The following SPAG16 variants were observed in gnomAD, a reference collection of about 807,000 sequenced individuals.
SPAG16 encodes the protein sperm-associated antigen 16 protein.
In SPAG16, 86 loss-of-function variants were observed where a neutral mutation model predicts 80.4. The observed-to-expected ratio is 1.07, with a 90% CI of 0.90 to 1.28. The LOEUF is 1.28. Ranked by LOEUF, SPAG16 falls within the 50% of genes most tolerant of loss-of-function variation. The pLI, the probability that SPAG16 is intolerant of heterozygous loss-of-function variation, is 0.00. For missense variants in SPAG16, 870 were observed against 765.3 expected, an observed-to-expected ratio of 1.14 and a Z score of -1.61; for synonymous variants, 294 against 265.9, an observed-to-expected ratio of 1.11 and a Z score of -1.03.
intron 9 of SPAG16, among the ~76,000 whole-genome samples, chr2:213,444,964 G>A (rs1575603857): frequency 2.6e-5 from 4 of 152,100 alleles, no homozygotes; most frequent in South Asian, 4.1e-4. Context: ...ACTCCTTTTT[G>A]ATAAAGGCAC....
chr2:213,810,658 G>A (rs2072075858), intron 10 of SPAG16, among the ~76,000 whole-genome samples: 1 of 152,146 alleles, frequency 6.6e-6, no homozygotes, highest in African/African-American at 2.4e-5. Flanking sequence ...TACAGCAGGA[G>A]GAACAAGCAG....
At chr2:213,387,139 A>G (rs1038843005) in intron 9 of SPAG16, among the ~76,000 whole-genome samples, 1 of 152,052 alleles carries the variant, frequency 6.6e-6, no homozygotes, top group Non-Finnish European at 1.5e-5. Flanking sequence ...AGGGAAAAAA[A>G]GGATCAAATG....
At chr2:213,977,351 TAAATACAG>T (rs2045466536) in intron 12 of SPAG16, among the ~76,000 whole-genome samples, 1 of 152,006 alleles carries the variant, frequency 6.6e-6, no homozygotes, top group South Asian at 2.1e-4. Context: ...TGTAGGCACT[TAAATACAG>T]TTCCTTGGAT....
chr2:214,139,032 A>G (rs2055209870), intron 14 of SPAG16, among the ~76,000 whole-genome samples: 1 of 152,156 alleles, frequency 6.6e-6, no homozygotes. Context: ...TATTTCACTC[A>G]ACTATAGTCC....
chr2:213,288,055 G>A (rs150310102), intron 1 of SPAG16, among the ~76,000 whole-genome samples: 19 of 152,152 alleles, frequency 1.2e-4, no homozygotes, highest in African/African-American at 4.1e-4. Flanking sequence ...GCAGATGTGC[G>A]GCACCATACC....
At chr2:213,991,823 T>A (rs2046294192) in intron 12 of SPAG16, among the ~76,000 whole-genome samples, 1 of 152,084 alleles carries the variant, frequency 6.6e-6, no homozygotes, top group East Asian at 1.9e-4. Context: ...AATCTAGTGG[T>A]TCACCACTCT....
intron 10 of SPAG16, among the ~76,000 whole-genome samples, chr2:213,823,515 C>T (rs1018953185): frequency 4.6e-5 from 7 of 152,054 alleles, no homozygotes; most frequent in Admixed American, 4.6e-4. Context: ...CATGTGCCAC[C>T]ATGCCCGACT....
intron 9 of SPAG16, among the ~76,000 whole-genome samples, chr2:213,478,202 T>C (rs1559173160): frequency 6.6e-6 from 1 of 152,270 alleles, no homozygotes; most frequent in East Asian, 1.9e-4. Flanking sequence ...TGCCCAGTCT[T>C]GGGTATTTCT....
intron 9 of SPAG16, among the ~76,000 whole-genome samples, chr2:213,403,194 T>G (rs1403391403): frequency 1.3e-5 from 2 of 152,228 alleles, no homozygotes; most frequent in Admixed American, 1.3e-4. Flanking sequence ...ATGAGCATTT[T>G]TCATGTGTTT....
intron 15 of SPAG16, among the ~76,000 whole-genome samples, chr2:214,297,286 G>A (rs1479160190): frequency 6.6e-6 from 1 of 151,846 alleles, no homozygotes. Flanking sequence ...TTAATTTTTT[G>A]TTGTTATGCA....
At chr2:214,372,831 C>G (rs1462772246) in intron 15 of SPAG16, among the ~76,000 whole-genome samples, 1 of 152,172 alleles carries the variant, frequency 6.6e-6, no homozygotes, top group Non-Finnish European at 1.5e-5. Flanking sequence ...TCACTTCCCC[C>G]CACCCCAAAT....
Position 213,616,467 on chromosome 2 carries a change from C to T in SPAG16, c.1070+126377C>T, listed in dbSNP as rs578198809. 1.6e-4 allele frequency among the ~76,000 whole-genome samples: 25 copies of T among 152,258 alleles called. No homozygotes were observed. The South Asian group carries it at 4.4e-3, about 27-fold the overall frequency. On this transcript the variant is annotated intron_variant, in intron 10 of 15. Coordinates refer to ENST00000331683, the MANE Select transcript of SPAG16 (RefSeq NM_024532.5). ...AAACAACAACAAGCATAGCTACAATCGCTGTTATTAGGCACCCTGAAAAGA... is the reference window on the plus strand; with the variant it reads ...AAACAACAACAAGCATAGCTACAATTGCTGTTATTAGGCACCCTGAAAAGA...
At chr2:214,119,532 G>A (rs2054110122) in intron 14 of SPAG16, among the ~76,000 whole-genome samples, 1 of 152,102 alleles carries the variant, frequency 6.6e-6, no homozygotes, top group African/African-American at 2.4e-5. Context: ...CAAATTTCCA[G>A]GAAGTTGACC....
At chr2:214,301,997 T>A in intron 15 of SPAG16, among the ~76,000 whole-genome samples, 1 of 150,024 alleles carries the variant, frequency 6.7e-6, no homozygotes, top group African/African-American at 2.4e-5. Flanking sequence ...TTGCATTGAA[T>A]TTTTTTTTTA....
rs567780400 is a variant in SPAG16 at position 213,793,405 on chromosome 2, A to G, written c.1071-69080A>G. On this transcript the variant is annotated intron_variant, in intron 10 of 15. Transcript: ENST00000331683. ...TACCTCTCAATGTCAAAAAATTTTA[A>G]AAGAGTTATAGGTACATGCCACTCC... Among the ~76,000 whole-genome samples the G allele has an allele frequency of 2.0e-5, 3 of 152,196 alleles. No homozygotes were observed. The South Asian group carries it at 6.2e-4, about 32-fold the overall frequency.
chr2:214,235,837 G>C (rs1689037211), intron 15 of SPAG16, among the ~76,000 whole-genome samples: 1 of 152,062 alleles, frequency 6.6e-6, no homozygotes, highest in Non-Finnish European at 1.5e-5. Context: ...ATGTATTATA[G>C]CTATGACAAC....
chr2:214,145,626 G>A (rs1353107291), intron 14 of SPAG16, among the ~76,000 whole-genome samples: 9 of 152,172 alleles, frequency 5.9e-5, no homozygotes, highest in African/African-American at 2.2e-4. Context: ...TTGGTGGTGG[G>A]AGGCTTAACA....
chr2:214,333,182 T>C (rs2126015631), intron 15 of SPAG16, among the ~76,000 whole-genome samples: 1 of 152,326 alleles, frequency 6.6e-6, no homozygotes, highest in South Asian at 2.1e-4. Context: ...GAGAATTGAC[T>C]CAAGTCTGGT....
chr2:213,417,191 T>C (rs768004956), intron 9 of SPAG16, among the ~76,000 whole-genome samples: 84 of 151,804 alleles, frequency 5.5e-4, no homozygotes, highest in Non-Finnish European at 1.0e-3. Flanking sequence ...CATCATACTA[T>C]ATAGAAAAGT....
Sources: gnomAD v4.1 joint callset for allele counts (sites outside exome capture counted in the v4.1 genomes callset) on GRCh38, gnomAD v4.1.1 for gene constraint, MANE v1.5 for transcripts, NCBI Gene and HGNC (gene_info 2026-07-23, HGNC 2026-07-21) for gene names.